Variants in CTNNA2 observed in about 807,000 individuals in gnomAD.
The protein encoded by CTNNA2 is catenin alpha-2.
CTNNA2 carries 42 observed loss-of-function variants against 101.0 expected under a neutral mutation model. The observed-to-expected ratio is 0.42, with a 90% CI of 0.32 to 0.54. The LOEUF (loss-of-function observed/expected upper bound fraction) is 0.54. Among genes scored for constraint, CTNNA2 ranks in the 20% least tolerant of loss-of-function variants. The pLI, the probability that CTNNA2 is intolerant of heterozygous loss-of-function variation, is 0.14. For synonymous variants in CTNNA2, 450 were observed against 456.4 expected (o/e 0.99, Z 0.18); for missense variants, 871 against 1,223.1 (o/e 0.71, Z 4.29).
At chr2:80,275,954 G>T (rs1262360277) in intron 7 of CTNNA2, among the ~76,000 whole-genome samples, 1 of 151,784 alleles carries the variant, frequency 6.6e-6, no homozygotes, top group Non-Finnish European at 1.5e-5. Flanking sequence ...TTCATTAGGA[G>T]ATTTTTTTTT....
intron 7 of CTNNA2, among the ~76,000 whole-genome samples, chr2:80,077,671 C>T (rs1229899923): frequency 2.0e-5 from 3 of 151,620 alleles, no homozygotes; most frequent in Non-Finnish European, 4.4e-5. Context: ...CAACATTTTG[C>T]TAAGCTAAAC....
At chr2:79,706,915 C>G (rs188075399) in intron 2 of CTNNA2, among the ~76,000 whole-genome samples, 18 of 152,270 alleles carry the variant, frequency 1.2e-4, no homozygotes, top group Non-Finnish European at 2.6e-4. Context: ...TGCTGCTTAC[C>G]TGATCTGGTC....
intron 7 of CTNNA2, among the ~76,000 whole-genome samples, chr2:80,320,158 G>T (rs1678537100): frequency 6.6e-6 from 1 of 152,152 alleles, no homozygotes; most frequent in Non-Finnish European, 1.5e-5. Context: ...TAATAGTCTT[G>T]CCTCATAGCA....
chr2:80,374,307 G>A (rs1478395904), intron 7 of CTNNA2, among the ~76,000 whole-genome samples: 1 of 152,056 alleles, frequency 6.6e-6, no homozygotes, highest in African/African-American at 2.4e-5. Context: ...GTGAAAACAT[G>A]TGGTTTTTGG....
intron 7 of CTNNA2, among the ~76,000 whole-genome samples, chr2:80,199,429 TC>T (rs1437714315): frequency 8.5e-5 from 13 of 152,170 alleles, no homozygotes; most frequent in Non-Finnish European, 1.8e-4. Context: ...GGCAGTATAA[TC>T]ACCATTTCTA....
intron 1 of CTNNA2, among the ~76,000 whole-genome samples, chr2:79,584,134 T>C (rs111270744): frequency 7.2e-5 from 11 of 152,308 alleles, no homozygotes; most frequent in African/African-American, 2.6e-4. Context: ...GTTTCCTAAA[T>C]TGATTATTTC....
chr2:80,347,414 T>A (rs1047721041), intron 7 of CTNNA2, among the ~76,000 whole-genome samples: 1 of 140,218 alleles, frequency 7.1e-6, no homozygotes. Flanking sequence ...TGCTTTGGAC[T>A]GCTTTAGCAG....
intron 6 of CTNNA2, among the ~76,000 whole-genome samples, chr2:79,884,125 C>T (rs1322149136): frequency 1.3e-5 from 2 of 152,174 alleles, no homozygotes; most frequent in Non-Finnish European, 2.9e-5. Flanking sequence ...AGACAGTACA[C>T]ATTATCTTGA....
chr2:80,440,152 T>C (rs1034184436), intron 9 of CTNNA2, among the ~76,000 whole-genome samples: 5 of 152,156 alleles, frequency 3.3e-5, no homozygotes, highest in African/African-American at 9.7e-5. Context: ...TTAAGCAAAG[T>C]CTGGAAAGGA....
At chr2:79,731,203 C>T (rs145470212) in intron 2 of CTNNA2, among the ~76,000 whole-genome samples, 3 of 152,058 alleles carry the variant, frequency 2.0e-5, no homozygotes, top group Middle Eastern at 3.4e-3. Context: ...CAAATACTAG[C>T]TTCAGCCAAT....
At chr2:80,136,816 T>G (rs1702722082) in intron 7 of CTNNA2, among the ~76,000 whole-genome samples, 1 of 152,090 alleles carries the variant, frequency 6.6e-6, no homozygotes, top group African/African-American at 2.4e-5. Flanking sequence ...GGTAATAAAG[T>G]CTAGTGTAAT....
chr2:79,760,684 C>T (rs992676198), intron 3 of CTNNA2, among the ~76,000 whole-genome samples: 1 of 152,228 alleles, frequency 6.6e-6, no homozygotes, highest in Non-Finnish European at 1.5e-5. Context: ...ACAGAATAAA[C>T]TAACCATCAC....
intron 9 of CTNNA2, among the ~76,000 whole-genome samples, chr2:80,501,606 C>G (rs1318273878): frequency 2.0e-5 from 3 of 152,162 alleles, no homozygotes; most frequent in Non-Finnish European, 4.4e-5. Flanking sequence ...GAAGTTGTAT[C>G]TTGGGTTCAT....
intron 7 of CTNNA2, among the ~76,000 whole-genome samples, chr2:80,289,654 T>C (rs562380484): frequency 3.3e-5 from 5 of 152,300 alleles, no homozygotes; most frequent in African/African-American, 1.2e-4. Context: ...TGCTCTCTGA[T>C]AATCTTCCTA....
intron 2 of CTNNA2, among the ~76,000 whole-genome samples, chr2:79,240,001 C>T (rs962595691): frequency 2.7e-5 from 4 of 150,704 alleles, no homozygotes; most frequent in Non-Finnish European, 4.4e-5. Flanking sequence ...CTCAGCCTCC[C>T]GGGTTCAAGC....
intron 9 of CTNNA2, among the ~76,000 whole-genome samples, chr2:80,430,603 A>G (rs1681403114): frequency 6.6e-6 from 1 of 152,190 alleles, no homozygotes. Context: ...ATCATAAGCC[A>G]GCATACTGGT....
chr2:80,495,939 C>CAAAAAAA (rs60582703), intron 9 of CTNNA2, among the ~76,000 whole-genome samples: 2 of 35,772 alleles, frequency 5.6e-5, no homozygotes, highest in Non-Finnish European at 1.0e-4. Flanking sequence ...GACTCTGTCT[C>CAAAAAAA]AAAAAAAAAA....
At chr2:79,203,528 AC>A (rs1219205387) in intron 2 of CTNNA2, among the ~76,000 whole-genome samples, 6 of 152,336 alleles carry the variant, frequency 3.9e-5, no homozygotes, top group Admixed American at 6.5e-5. Flanking sequence ...TCCATCAGTT[AC>A]CTGCATTTGA....
At chr2:79,238,779 C>G (rs766846318) in intron 2 of CTNNA2, among the ~76,000 whole-genome samples, 4 of 152,110 alleles carry the variant, frequency 2.6e-5, no homozygotes, top group African/African-American at 9.7e-5. Context: ...CATATTGGGT[C>G]TTTACAAAAC....
Sources: gnomAD v4.1 joint callset for allele counts (sites outside exome capture counted in the v4.1 genomes callset) on GRCh38, gnomAD v4.1.1 for gene constraint, MANE v1.5 for transcripts, NCBI Gene and HGNC (gene_info 2026-07-23, HGNC 2026-07-21) for gene names.